Variants in EGFL6 observed in about 807,000 individuals in gnomAD.
EGFL6 encodes the protein epidermal growth factor-like protein 6.
Under a neutral mutation model 43.1 loss-of-function variants are expected in EGFL6, and 42 were observed. That is an observed-to-expected ratio of 0.98 (90% CI 0.76 to 1.26). EGFL6 has a LOEUF of 1.26. Ranked by LOEUF, EGFL6 falls within the 50% of genes most tolerant of loss-of-function variation. The pLI is 0.00. For synonymous variants in EGFL6, 164 were observed against 163.2 expected, an observed-to-expected ratio of 1.01 and a Z score of -0.04; for missense variants, 429 against 427.8, an observed-to-expected ratio of 1.00 and a Z score of -0.02.
chrX:13,631,561 C>A (rs1172266910), intron 11 of EGFL6, among the ~76,000 whole-genome samples: 1 of 110,514 alleles, frequency 9.0e-6, no homozygotes, highest in Non-Finnish European at 1.9e-5. Flanking sequence ...GTGGGTGGAT[C>A]ACTTGGGGCC....
intron 5 of EGFL6, among the ~76,000 whole-genome samples, chrX:13,604,675 T>C (rs1205792339): frequency 1.8e-5 from 2 of 112,314 alleles, no homozygotes; most frequent in South Asian, 7.3e-4. Context: ...TGCCATCAAA[T>C]TGTATATACT....
chrX:13,599,775 G>A (rs1260423393), intron 3 of EGFL6, among the ~76,000 whole-genome samples, 200 bp from the exon 4 acceptor site: 1 of 110,776 alleles, frequency 9.0e-6, no homozygotes, highest in African/African-American at 3.3e-5. Context: ...ATTCCTTCCA[G>A]TGGTGTATAA....
At position 13,626,957 on chromosome X, in the gene EGFL6, C is replaced by A. The variant is rs55648038; in HGVS notation, c.1286-54C>A. 4,923 of 1,163,986 alleles carry A rather than the reference C, an allele frequency of 4.2e-3. 9 individuals are homozygous for A. The highest frequency in any genetic ancestry group is 0.011 in the South Asian group (563 of 51,435). ...TTATAGCTTTTTTTATACATTAAAG[C>A]CAAACTCCTTACAATTGCCTCATTA... On this transcript the variant is annotated intron_variant, in intron 10 of 11. Coordinates refer to ENST00000361306, the MANE Select transcript of EGFL6 (RefSeq NM_015507.4).
intron 11 of EGFL6, among the ~76,000 whole-genome samples, chrX:13,627,781 T>C (rs111240846): frequency 0.029 from 3,200 of 111,874 alleles, 56 homozygotes; most frequent in African/African-American, 0.068. Context: ...ACAGTTTGTA[T>C]AGATTAAAAT....
intron 2 of EGFL6, among the ~76,000 whole-genome samples, chrX:13,591,983 C>G (rs757408597): frequency 8.9e-6 from 1 of 111,984 alleles, no homozygotes; most frequent in East Asian, 2.8e-4. Context: ...AATCATGCTT[C>G]AATCTCAGGC....
chrX:13,580,839 T>C (rs987673020), intron 1 of EGFL6, among the ~76,000 whole-genome samples: 1 of 112,331 alleles, frequency 8.9e-6, no homozygotes, highest in African/African-American at 3.2e-5. Flanking sequence ...ATGGCTCTAC[T>C]TGACCTAGAC....
At chrX:13,612,442 CTTCT>C (rs1261634141) in intron 7 of EGFL6, among the ~76,000 whole-genome samples, 1 of 109,853 alleles carries the variant, frequency 9.1e-6, no homozygotes, top group Non-Finnish European at 1.9e-5. Context: ...CCTATGTCTA[CTTCT>C]TTCTACACAG....
intron 1 of EGFL6, among the ~76,000 whole-genome samples, chrX:13,586,483 C>T (rs1158584094): frequency 9.0e-6 from 1 of 111,532 alleles, no homozygotes; most frequent in Admixed American, 9.6e-5. Context: ...AGGGTGTCAG[C>T]ATGGTCAGGT....
At chrX:13,576,038 A>G (rs1168447001) in intron 1 of EGFL6, among the ~76,000 whole-genome samples, 1 of 112,220 alleles carries the variant, frequency 8.9e-6, no homozygotes, top group Non-Finnish European at 1.9e-5. Context: ...GAGCTTCAGC[A>G]AACATGTCCA....
intron 11 of EGFL6, among the ~76,000 whole-genome samples, chrX:13,629,504 G>C (rs2045799613): frequency 9.0e-6 from 1 of 111,424 alleles, no homozygotes; most frequent in Non-Finnish European, 1.9e-5. Flanking sequence ...GCTTTCATAA[G>C]AGGCATTCTC....
At chrX:13,606,670 G>C (rs1431361101) in intron 6 of EGFL6, among the ~76,000 whole-genome samples, 157 bp downstream of exon 6, 1 of 111,932 alleles carries the variant, frequency 8.9e-6, no homozygotes, top group Non-Finnish European at 1.9e-5. Context: ...TAGGTGTCTG[G>C]CATTTAGGGA....
At chrX:13,632,595 T>C (rs906307777) in intron 11 of EGFL6, among the ~76,000 whole-genome samples, 3 of 110,908 alleles carry the variant, frequency 2.7e-5, no homozygotes, top group Non-Finnish European at 3.8e-5. Context: ...TGAGCCACCG[T>C]GCCCGGCCTT....
intron 1 of EGFL6, among the ~76,000 whole-genome samples, chrX:13,573,784 G>A (rs866977802): frequency 9.6e-6 from 1 of 104,256 alleles, no homozygotes; most frequent in Non-Finnish European, 1.9e-5. Context: ...TAAGACCAGT[G>A]TTGTCCCACT....
intron 1 of EGFL6, among the ~76,000 whole-genome samples, chrX:13,576,702 C>T (rs2045473281): frequency 8.9e-6 from 1 of 111,892 alleles, no homozygotes; most frequent in Non-Finnish European, 1.9e-5. Context: ...TGAGGTCCCA[C>T]TGGCAATGTT....
At chrX:13,616,859 ATTTTTTTTT>A (rs773399610) in intron 7 of EGFL6, among the ~76,000 whole-genome samples, 1 of 88,985 alleles carries the variant, frequency 1.1e-5, no homozygotes, top group Non-Finnish European at 2.2e-5. Context: ...CTAGAGGTAC[ATTTTTTTTT>A]TTTTTTTTTT....
At chrX:13,585,804 G>A (rs1244570757) in intron 1 of EGFL6, among the ~76,000 whole-genome samples, 1 of 111,289 alleles carries the variant, frequency 9.0e-6, no homozygotes, top group Non-Finnish European at 1.9e-5. Context: ...CAACTCAAAT[G>A]TCACCTACCC....
At chrX:13,626,920 ATTG>A in intron 10 of EGFL6, 88 bp from the exon 11 acceptor site, 1 of 983,581 alleles carries the variant, frequency 1.0e-6, no homozygotes, top group Non-Finnish European at 1.4e-6. Flanking sequence ...ATAGGAGACT[ATTG>A]TTTACTTTTT....
intron 4 of EGFL6, among the ~76,000 whole-genome samples, chrX:13,602,956 T>C (rs1046751991): frequency 1.8e-5 from 2 of 112,008 alleles, no homozygotes; most frequent in African/African-American, 6.5e-5. Context: ...AGGTTGATAA[T>C]CTCCATCAGC....
In EGFL6 at chrX:13,597,185, A is replaced by G. The variant is rs144300705; in HGVS notation, c.280+2257A>G. On this transcript the variant is annotated intron_variant, in intron 3 of 11. Transcript: ENST00000361306. ...AAACCCTGGCATGAAGAAATCTTCA[A>G]TAATTCAGAAAGGGTCCCCAGTCCT... Among the ~76,000 whole-genome samples the G allele has an allele frequency of 7.4e-3, 833 of 112,320 alleles. 4 individuals are homozygous for G. Among genetic ancestry groups the G allele is most frequent in the Non-Finnish European group, 0.011 (590 of 53,175 alleles).
Sources: gnomAD v4.1 joint callset for allele counts (sites outside exome capture counted in the v4.1 genomes callset) on GRCh38, gnomAD v4.1.1 for gene constraint, MANE v1.5 for transcripts, NCBI Gene and HGNC (gene_info 2026-07-23, HGNC 2026-07-21) for gene names.